Variants in AGO3 observed in about 807,000 individuals in gnomAD.
AGO3 encodes the protein argonaute RISC catalytic component 3, also known as protein argonaute-3.
AGO3 carries 16 observed loss-of-function variants against 105.5 expected under a neutral mutation model. That is an observed-to-expected ratio of 0.15 (90% CI 0.10 to 0.23). The LOEUF (loss-of-function observed/expected upper bound fraction) is 0.23, where lower values mean the gene tolerates loss of function less well. AGO3 is among the 10% of genes least tolerant of loss of function. AGO3 has a pLI of 1.00. For synonymous variants in AGO3, 340 were observed against 367.3 expected (o/e 0.93, Z 0.85); for missense variants, 534 against 1,088.0 (o/e 0.49, Z 7.16).
At chr1:35,979,654 A>C (rs1280598822) in intron 5 of AGO3, among the ~76,000 whole-genome samples, 1 of 151,982 alleles carries the variant, frequency 6.6e-6, no homozygotes, top group African/African-American at 2.4e-5. Flanking sequence ...CATTTTCTGA[A>C]TGTTGCTACT....
At chr1:35,979,135 C>G (rs1423388516) in intron 5 of AGO3, among the ~76,000 whole-genome samples, 1 of 152,016 alleles carries the variant, frequency 6.6e-6, no homozygotes, top group South Asian at 2.1e-4. Flanking sequence ...GAGGCCGAGG[C>G]GGGCGGATCA....
chr1:35,985,207 C>T (rs993478861), intron 5 of AGO3, among the ~76,000 whole-genome samples: 1 of 151,962 alleles, frequency 6.6e-6, no homozygotes, highest in Non-Finnish European at 1.5e-5. Context: ...CGCTTGAGCC[C>T]AGAAGTCGAG....
chr1:35,938,941 T>G (rs2148742719), intron 1 of AGO3, among the ~76,000 whole-genome samples: 1 of 152,274 alleles, frequency 6.6e-6, no homozygotes, highest in South Asian at 2.1e-4. Flanking sequence ...GTGAACAACA[T>G]GGACACATGT....
chr1:36,012,939 A>AT (rs1039767711), intron 9 of AGO3, among the ~76,000 whole-genome samples: 29 of 148,130 alleles, frequency 2.0e-4, no homozygotes, highest in East Asian at 7.9e-4. Flanking sequence ...ATTTTCATGG[A>AT]TTTTTTTTTT....
intron 5 of AGO3, among the ~76,000 whole-genome samples, chr1:36,000,264 A>G (rs775081685): frequency 6.6e-6 from 1 of 152,188 alleles, no homozygotes; most frequent in Non-Finnish European, 1.5e-5. Flanking sequence ...AAAAGCAAAC[A>G]TTTGATCATT....
At chr1:36,053,735 C>T (rs967393008) in intron 17 of AGO3, among the ~76,000 whole-genome samples, 2 of 148,432 alleles carry the variant, frequency 1.3e-5, no homozygotes, top group Non-Finnish European at 3.0e-5. Flanking sequence ...CACACCACCA[C>T]ACCTGGCTAA....
At position 36,069,591 on chromosome 1, in the gene AGO3, C is replaced by G. The variant is rs1263210965; in HGVS notation, c.*13846C>G. ...ATAGGCCTTATCATGGTGTAGTGTTCACTTACAAACATATCCTGTTGTTTC... is the reference window on the plus strand; with the variant it reads ...ATAGGCCTTATCATGGTGTAGTGTTGACTTACAAACATATCCTGTTGTTTC... On this transcript the variant is annotated 3_prime_UTR_variant, in exon 19 of 19. Coordinates refer to ENST00000373191, the MANE Select transcript of AGO3 (RefSeq NM_024852.4). 6.6e-6 allele frequency: 1 copy of G among 152,164 alleles called. No individual in the cohort carries two copies. The highest frequency in any genetic ancestry group is 1.5e-5 in the Non-Finnish European group (1 of 68,038). The allele number at this position is 152,164 out of a possible 1,614,324, so 9.4% of individuals were successfully genotyped here.
chr1:36,016,092 T>G (rs1388949411), intron 11 of AGO3, among the ~76,000 whole-genome samples: 2 of 152,196 alleles, frequency 1.3e-5, no homozygotes. Context: ...TTGAAGATGA[T>G]TTGAACAGTT....
At chr1:36,053,065 T>A (rs1476337547) in intron 17 of AGO3, among the ~76,000 whole-genome samples, 1 of 152,192 alleles carries the variant, frequency 6.6e-6, no homozygotes, top group African/African-American at 2.4e-5. Flanking sequence ...GATGACTGTA[T>A]TTTAAAAATC....
At chr1:35,953,792 A>G (rs1646516538) in intron 2 of AGO3, among the ~76,000 whole-genome samples, 1 of 152,130 alleles carries the variant, frequency 6.6e-6, no homozygotes, top group South Asian at 2.1e-4. Flanking sequence ...GGTTACAGGC[A>G]TGAGCCACTG....
chr1:36,026,050 A>G (rs1037177798), intron 11 of AGO3, among the ~76,000 whole-genome samples: 2 of 151,994 alleles, frequency 1.3e-5, no homozygotes, highest in Non-Finnish European at 2.9e-5. Context: ...CAAAAAAAAA[A>G]AAGAAATTGG....
At position 35,931,253 on chromosome 1, in the gene AGO3, C is replaced by T; in HGVS notation, c.-174C>T. ...GTCCTGTGCCGTTTTCCGTCCGCGA[C>T]TCTTCCGGCCCAGAGCTTTCGGAGT... On this transcript the variant is annotated 5_prime_UTR_variant, in exon 1 of 19. Transcript: ENST00000373191. 1 of 477,006 alleles carries T rather than the reference C, an allele frequency of 2.1e-6. No individual in the cohort carries two copies. The highest frequency in any genetic ancestry group is 3.7e-6 in the Non-Finnish European group (1 of 273,300). 29.5% of individuals were successfully genotyped at this position (477,006 alleles called of 1,614,324 possible).
rs376279466 is a variant in AGO3, at chr1:36,067,681, C to A, written c.*11936C>A. ...GAGCCAGGCATTGCTATCAACATAA[C>A]ATGTTTGGTTTTCCCCTTTAAATAG... On this transcript the variant is annotated 3_prime_UTR_variant, in exon 19 of 19. Coordinates refer to ENST00000373191, the MANE Select transcript of AGO3 (RefSeq NM_024852.4). 8 of 151,788 alleles carry A rather than the reference C, an allele frequency of 5.3e-5. No homozygotes were observed. The highest frequency in any genetic ancestry group is 1.2e-4 in the Non-Finnish European group (8 of 67,932). The allele number at this position is 151,788 out of a possible 1,614,324, so 9.4% of individuals were successfully genotyped here. A position where few individuals can be genotyped will look rare whatever the true frequency, so the allele number is the denominator to read the frequency against.
At chr1:36,010,659 G>A (rs1252240145) in intron 9 of AGO3, among the ~76,000 whole-genome samples, 1 of 151,234 alleles carries the variant, frequency 6.6e-6, no homozygotes, top group Non-Finnish European at 1.5e-5. Flanking sequence ...TGTAATCCCA[G>A]CACTTTCGGA....
intron 17 of AGO3, 111 bp from the exon 18 acceptor site, chr1:36,054,835 T>C (rs1642862838): frequency 1.0e-6 from 1 of 998,308 alleles, no homozygotes; most frequent in Non-Finnish European, 1.5e-6. Context: ...TGATCTGAGA[T>C]CACGCCATTG....
rs1237774695 is a variant in AGO3 at position 36,062,253 on chromosome 1, C to G, written c.*6508C>G. 2 of 151,040 alleles carry G rather than the reference C, an allele frequency of 1.3e-5. No homozygotes were observed. Among genetic ancestry groups the G allele is most frequent in the East Asian group, 3.9e-4 (2 of 5,146 alleles). The allele number at this position is 151,040 out of a possible 1,614,324, so 9.4% of individuals were successfully genotyped here. A position where few individuals can be genotyped will look rare whatever the true frequency, so the allele number is the denominator to read the frequency against. ...TCTCAGCTTACTGCAAACTCCGCCT[C>G]CCGGGTTCAAGTGATTCTCGTGCCT... is the stretch of plus-strand genomic sequence containing the variant. On this transcript the variant is annotated 3_prime_UTR_variant, in exon 19 of 19. Transcript: ENST00000373191.
intron 16 of AGO3, among the ~76,000 whole-genome samples, chr1:36,042,717 T>C (rs1200201914): frequency 6.6e-6 from 1 of 152,178 alleles, no homozygotes; most frequent in Non-Finnish European, 1.5e-5. Context: ...AAGGAGCTTG[T>C]ATCATCAAGA....
In AGO3 at chr1:36,027,107, C is replaced by T. The variant is rs1282941764; in HGVS notation, c.1407-7C>T. 6.2e-7 allele frequency: 1 copy of T among 1,606,712 alleles called. No individual in the cohort carries two copies. The highest frequency in any genetic ancestry group is 2.2e-5 in the East Asian group (1 of 44,818). On this transcript the variant is annotated splice_region_variant and splice_polypyrimidine_tract_variant and intron_variant, in intron 11 of 18. Transcript: ENST00000373191. This position sits in a 1 kb window ranked among gnomAD's most constrained non-coding sequence, Gnocchi z 4.0. ...AAGGTTTTATATTTAGTGGTTTCTC[C>T]TTCCAGGGGTTTCACAGACCAGCTG...
rs960294383 is a variant in AGO3, at chr1:35,967,196, A to G, written c.312+121A>G. 8 of 1,310,080 alleles carry G rather than the reference A, an allele frequency of 6.1e-6. No individual in the cohort carries two copies. In the South Asian group the frequency reaches 1.5e-4, roughly 24 times the overall value. 81.2% of individuals were successfully genotyped at this position (1,310,080 alleles called of 1,614,324 possible). On this transcript the variant is annotated intron_variant, in intron 3 of 18. Coordinates refer to ENST00000373191, the MANE Select transcript of AGO3 (RefSeq NM_024852.4). ...GAATATTTATCACTGATTGTTTTTAACTTTTTGTTTTGAAATAATTTCAAA... is the reference window on the plus strand; with the variant it reads ...GAATATTTATCACTGATTGTTTTTAGCTTTTTGTTTTGAAATAATTTCAAA...
Sources: gnomAD v4.1 joint callset for allele counts (sites outside exome capture counted in the v4.1 genomes callset) on GRCh38, gnomAD v4.1.1 for gene constraint, Gnocchi (gnomAD v3.1) non-coding constraint, MANE v1.5 for transcripts, NCBI Gene and HGNC (gene_info 2026-07-23, HGNC 2026-07-21) for gene names.